The following BACH2 variants were observed in gnomAD, a reference collection of about 807,000 sequenced individuals.
BACH2 encodes the protein transcription regulator protein BACH2.
Under a neutral mutation model 61.8 loss-of-function variants are expected in BACH2, and 5 were observed. That is an observed-to-expected ratio of 0.08 (90% CI 0.04 to 0.17). BACH2 has a LOEUF of 0.17. Ranked by LOEUF, BACH2 falls within the 10% of genes least tolerant of loss-of-function variation. The probability of loss-of-function intolerance (pLI) is 1.00; values close to 1 mark genes in which losing one functional copy is unlikely to be tolerated. For missense variants in BACH2, 824 were observed against 1,091.1 expected, an observed-to-expected ratio of 0.76 and a Z score of 3.45; for synonymous variants, 446 against 440.1, an observed-to-expected ratio of 1.01 and a Z score of -0.17.
chr6:90,296,295 T>G (rs1309294786), intron 1 of BACH2, among the ~76,000 whole-genome samples, 185 bp downstream of exon 1: 5 of 151,278 alleles, frequency 3.3e-5, no homozygotes, highest in Admixed American at 1.3e-4. Context: ...CCCTTCCCGT[T>G]CCTAGAAAAT....
chr6:90,040,383 G>A (rs1190877559), intron 5 of BACH2, among the ~76,000 whole-genome samples: 2 of 151,974 alleles, frequency 1.3e-5, no homozygotes, highest in Non-Finnish European at 2.9e-5. Context: ...AATTTCAAAT[G>A]TATTTGAGAT....
chr6:90,100,730 C>CACAA (rs1249650556), intron 4 of BACH2, among the ~76,000 whole-genome samples: 1 of 150,128 alleles, frequency 6.7e-6, no homozygotes, highest in Non-Finnish European at 1.5e-5. Flanking sequence ...CACACACAGA[C>CACAA]ACACACACAC....
At chr6:90,052,066 T>C (rs1164324418) in intron 5 of BACH2, among the ~76,000 whole-genome samples, 3 of 152,226 alleles carry the variant, frequency 2.0e-5, no homozygotes, top group Non-Finnish European at 4.4e-5. Flanking sequence ...GTCATTATAC[T>C]GATTCTTGGA....
chr6:90,101,280 T>C (rs1193999299), intron 4 of BACH2, among the ~76,000 whole-genome samples: 1 of 152,258 alleles, frequency 6.6e-6, no homozygotes, highest in African/African-American at 2.4e-5. Flanking sequence ...TTGTCTTTTG[T>C]ACTTGTGGTG....
chr6:90,195,289 A>T (rs535790129), intron 4 of BACH2, among the ~76,000 whole-genome samples: 108 of 152,294 alleles, frequency 7.1e-4, no homozygotes, highest in Non-Finnish European at 1.4e-3. Context: ...CGTTTCTGAC[A>T]TTACACCAAG....
chr6:89,967,245 C>T (rs912960910), intron 6 of BACH2, among the ~76,000 whole-genome samples: 16 of 152,118 alleles, frequency 1.1e-4, no homozygotes, highest in African/African-American at 3.1e-4. Flanking sequence ...ATTTATAGCT[C>T]GTAACTGGGA....
chr6:89,936,021 A>C (rs1773000400), intron 8 of BACH2, among the ~76,000 whole-genome samples: 1 of 152,254 alleles, frequency 6.6e-6, no homozygotes, highest in African/African-American at 2.4e-5. Context: ...GAAGAAACTC[A>C]TAATCCCCTG....
At chr6:89,939,834 T>C in intron 7 of BACH2, among the ~76,000 whole-genome samples, 1 of 143,194 alleles carries the variant, frequency 7.0e-6, no homozygotes, top group Non-Finnish European at 1.5e-5. Context: ...TTTTTTTTTT[T>C]TTTTTTTTTT....
chr6:90,055,777 C>T lies in BACH2; in HGVS notation c.-13+33184G>A, dbSNP rs185582561. On this transcript the variant is annotated intron_variant, in intron 5 of 8. Transcript: ENST00000257749. ...CCCAACAGACTAACAGCTGATCTCT[C>T]GGCAGAAACTCTACAAGCCAGAAGA... Among the ~76,000 whole-genome samples the T allele has an allele frequency of 9.1e-4, 139 of 152,224 alleles. 1 individual carries two copies. The highest frequency in any genetic ancestry group is 1.2e-3 in the Admixed American group (18 of 15,296).
intron 5 of BACH2, among the ~76,000 whole-genome samples, chr6:90,023,581 T>C (rs187268619): frequency 2.2e-4 from 34 of 152,274 alleles, no homozygotes; most frequent in Middle Eastern, 6.8e-3. Flanking sequence ...CAGGTATTTC[T>C]TTATAGCAGT....
intron 4 of BACH2, among the ~76,000 whole-genome samples, chr6:90,120,347 CTG>C (rs1234121181): frequency 3.3e-5 from 5 of 152,174 alleles, no homozygotes; most frequent in Non-Finnish European, 7.4e-5. Flanking sequence ...GTACCAAACT[CTG>C]TGGGCATTTA....
chr6:90,214,540 A>C (rs1769464829), intron 3 of BACH2, among the ~76,000 whole-genome samples: 2 of 152,204 alleles, frequency 1.3e-5, no homozygotes, highest in Admixed American at 1.3e-4. Flanking sequence ...AGGAACTAAA[A>C]TATTCTCAAG....
chr6:90,094,104 G>A (rs901499516), intron 4 of BACH2, among the ~76,000 whole-genome samples: 10 of 152,196 alleles, frequency 6.6e-5, no homozygotes, highest in African/African-American at 1.7e-4. Flanking sequence ...CCGAGGAACC[G>A]CATTCTGAAG....
chr6:90,207,542 G>A (rs1582485206), intron 3 of BACH2, among the ~76,000 whole-genome samples: 1 of 152,140 alleles, frequency 6.6e-6, no homozygotes, highest in African/African-American at 2.4e-5. Context: ...GCAAAATATT[G>A]TAAGGTTCCT....
At chr6:90,121,045 T>A (rs997889646) in intron 4 of BACH2, among the ~76,000 whole-genome samples, 1 of 152,230 alleles carries the variant, frequency 6.6e-6, no homozygotes, top group African/African-American at 2.4e-5. Flanking sequence ...AAATTTAAAA[T>A]GACTTTGCAG....
chr6:89,946,355 G>C (rs1449023827), intron 7 of BACH2, among the ~76,000 whole-genome samples: 4 of 152,178 alleles, frequency 2.6e-5, no homozygotes, highest in African/African-American at 9.7e-5. Flanking sequence ...GGGGAAATTG[G>C]ACACTCTAAG....
Position 89,932,656 on chromosome 6 carries a change from A to T in BACH2, c.2278T>A (p.Cys760Ser). The change falls in exon 9 of 9, where the codon TGC becomes AGC. Residue 760 changes from cysteine (C) to serine (S), a missense_variant. Cys to Ser is a moderately radical substitution (Grantham distance 112). Around this residue, in one of 8 missense-constraint regions of BACH2, gnomAD observed 135 missense variants for 142.7 expected, o/e 0.95. Coordinates refer to ENST00000257749, the MANE Select transcript of BACH2 (RefSeq NM_021813.4). ...GAEQNIAASQ[C>S]AVGENVPCCL... is the part of the protein sequence containing the mutation. ...CAGGGCACGTTTTCCCCCACTGCGCATTGGGAGGCCGCAATGTTCTGCTCA... is the reference window on the plus strand; with the variant it reads ...CAGGGCACGTTTTCCCCCACTGCGCTTTGGGAGGCCGCAATGTTCTGCTCA... 6.2e-7 allele frequency: 1 copy of T among 1,614,064 alleles called. No individual in the cohort carries two copies. The highest frequency in any genetic ancestry group is 8.5e-7 in the Non-Finnish European group (1 of 1,180,012).
intron 3 of BACH2, among the ~76,000 whole-genome samples, chr6:90,225,222 A>G (rs1297067258): frequency 1.3e-5 from 2 of 152,030 alleles, no homozygotes; most frequent in African/African-American, 4.8e-5. Context: ...CTCTACTAAA[A>G]TACAAAAAAT....
At chr6:89,943,106 C>T (rs1168620600) in intron 7 of BACH2, among the ~76,000 whole-genome samples, 1 of 152,170 alleles carries the variant, frequency 6.6e-6, no homozygotes, top group Non-Finnish European at 1.5e-5. Flanking sequence ...GCCACCACGC[C>T]TGGCTAGGCT....
Sources: gnomAD v4.1 joint callset for allele counts (sites outside exome capture counted in the v4.1 genomes callset) on GRCh38, gnomAD v4.1.1 for gene constraint, gnomAD v4.1.1 regional missense constraint, MANE v1.5 for transcripts, NCBI Gene and HGNC (gene_info 2026-07-23, HGNC 2026-07-21) for gene names.